Variants in PCDHA11 observed in about 807,000 individuals in gnomAD.
PCDHA11 encodes protocadherin alpha-11.
PCDHA11 carries 61 observed loss-of-function variants against 70.3 expected under a neutral mutation model. The observed-to-expected ratio is 0.87, with a 90% CI of 0.71 to 1.07. The LOEUF (loss-of-function observed/expected upper bound fraction) is 1.07. Ranked by LOEUF, PCDHA11 falls within the 50% of genes least tolerant of loss-of-function variation. PCDHA11 has a pLI of 0.00. For missense variants in PCDHA11, 1,324 were observed against 1,237.5 expected (o/e 1.07, Z -1.05); for synonymous variants, 633 against 555.1 (o/e 1.14, Z -1.97).
intron 1 of PCDHA11, among the ~76,000 whole-genome samples, chr5:140,896,760 T>C (rs562641955): frequency 1.3e-5 from 2 of 152,340 alleles, no homozygotes; most frequent in East Asian, 3.9e-4. Flanking sequence ...ATTAGACCTT[T>C]GTTGGATGCA....
At chr5:140,876,308 A>T in intron 1 of PCDHA11, 1 of 1,614,070 alleles carries the variant, frequency 6.2e-7, no homozygotes, top group South Asian at 1.1e-5. Context: ...GAAATTTCCT[A>T]TGGGATCAAA....
chr5:140,883,870 G>A, intron 1 of PCDHA11: 1 of 1,613,302 alleles, frequency 6.2e-7, no homozygotes. Flanking sequence ...TGCAGTTCCA[G>A]GTGAGCGCGC....
At chr5:140,882,860 A>G in intron 1 of PCDHA11, 1 of 1,614,218 alleles carries the variant, frequency 6.2e-7, no homozygotes, top group Non-Finnish European at 8.5e-7. Context: ...TGTACTGAGG[A>G]AAACACTGGA....
intron 1 of PCDHA11, among the ~76,000 whole-genome samples, chr5:140,943,086 G>A (rs1384084328): frequency 6.6e-6 from 1 of 151,632 alleles, no homozygotes; most frequent in African/African-American, 2.4e-5. Flanking sequence ...GTGAAATCCT[G>A]CCTCTACTAA....
intron 1 of PCDHA11, among the ~76,000 whole-genome samples, chr5:140,977,970 A>G (rs531494024): frequency 2.0e-5 from 3 of 152,332 alleles, no homozygotes; most frequent in South Asian, 4.1e-4. Context: ...ATCTCCGCCC[A>G]TGAAAACGCA....
At chr5:140,895,964 C>T (rs2065282764) in intron 1 of PCDHA11, among the ~76,000 whole-genome samples, 2 of 152,120 alleles carry the variant, frequency 1.3e-5, no homozygotes, top group South Asian at 4.1e-4. Flanking sequence ...GTGCCTGTCA[C>T]CAGGCCTAGC....
In PCDHA11 at chr5:141,010,797, AC is replaced by A. The variant is rs1329759215; in HGVS notation, c.*864del. Reference sequence around the variant, plus strand: ...AATACTTATGCAAAAGCAAAAGAAAACCCCGACACCTCACCTTTCGCTGTTT... The same window carrying A: ...AATACTTATGCAAAAGCAAAAGAAAACCCGACACCTCACCTTTCGCTGTTT... On this transcript the variant is annotated 3_prime_UTR_variant, in exon 4 of 4. Transcript: ENST00000398640. The A allele has an allele frequency of 6.5e-6, 1 of 153,778 alleles. No homozygotes were observed. The highest frequency in any genetic ancestry group is 2.4e-5 in the African/African-American group (1 of 41,460). 9.5% of individuals were successfully genotyped at this position (153,778 alleles called of 1,614,324 possible).
intron 3 of PCDHA11, among the ~76,000 whole-genome samples, chr5:141,007,087 A>G (rs1554261040): frequency 6.6e-6 from 1 of 152,112 alleles, no homozygotes; most frequent in African/African-American, 2.4e-5. Context: ...AATAGAGAAG[A>G]GAGTCTAGGG....
Position 140,898,113 on chromosome 5 carries a change from C to G in PCDHA11, c.2391+26619C>G, listed in dbSNP as rs369408845. 3.9e-5 allele frequency among the ~76,000 whole-genome samples: 6 copies of G among 151,952 alleles called. No individual in the cohort carries two copies. The East Asian group carries it at 1.2e-3, about 29-fold the overall frequency. ...AGCCCTTTGTCAGATGAGTAGGTTG[C>G]GAAAATTTTCTCCCATTTTGTAGGT... On this transcript the variant is annotated intron_variant, in intron 1 of 3. Coordinates refer to ENST00000398640, the MANE Select transcript of PCDHA11 (RefSeq NM_018902.5).
intron 1 of PCDHA11, among the ~76,000 whole-genome samples, chr5:140,937,158 C>T (rs969335051): frequency 2.6e-5 from 4 of 151,874 alleles, no homozygotes; most frequent in Non-Finnish European, 4.4e-5. Context: ...CTGCCTCAGC[C>T]TCCCGAGTAG....
intron 1 of PCDHA11, among the ~76,000 whole-genome samples, chr5:140,909,950 C>T (rs940175754): frequency 1.3e-5 from 2 of 152,168 alleles, no homozygotes; most frequent in African/African-American, 4.8e-5. Flanking sequence ...GGTAAAAAGC[C>T]GTAGGTCTCC....
chr5:140,967,108 G>A (rs2096097580), intron 1 of PCDHA11: 1 of 1,612,960 alleles, frequency 6.2e-7, no homozygotes, highest in South Asian at 1.1e-5. Flanking sequence ...GTGAGCAGCG[G>A]CCTCGCTGCC....
rs141079325 is a variant in PCDHA11 at position 140,900,797 on chromosome 5, T to C, written c.2391+29303T>C. Among the ~76,000 whole-genome samples the C allele has an allele frequency of 8.0e-3, 1,218 of 152,324 alleles. 6 individuals carry two copies. Among genetic ancestry groups the C allele is most frequent in the African/African-American group, 0.019 (783 of 41,568 alleles). On this transcript the variant is annotated intron_variant, in intron 1 of 3. Coordinates refer to ENST00000398640, the MANE Select transcript of PCDHA11 (RefSeq NM_018902.5). ...TGAGGAAACTCCAAACTGTTCTCCA[T>C]AGTGCTTGTACTAATTTACATTCCC...
intron 3 of PCDHA11, among the ~76,000 whole-genome samples, chr5:140,985,834 G>T (rs550087572): frequency 1.3e-5 from 2 of 150,860 alleles, no homozygotes; most frequent in South Asian, 4.2e-4. Flanking sequence ...CTGCCTCCCG[G>T]GTTCATGCCA....
intron 1 of PCDHA11, chr5:140,883,514 G>C (rs2059648914): frequency 1.2e-6 from 2 of 1,614,220 alleles, no homozygotes; most frequent in Non-Finnish European, 1.7e-6. Context: ...CCTGGACCGC[G>C]AGAGCGTATC....
At chr5:140,959,203 G>A (rs1554223942) in intron 1 of PCDHA11, among the ~76,000 whole-genome samples, 1 of 152,128 alleles carries the variant, frequency 6.6e-6, no homozygotes. Context: ...ATGGTGAAAT[G>A]CTGTCCTTAC....
chr5:140,984,178 A>C (rs2097090747), intron 3 of PCDHA11, among the ~76,000 whole-genome samples: 1 of 152,184 alleles, frequency 6.6e-6, no homozygotes, highest in South Asian at 2.1e-4. Context: ...AGCCACGTGA[A>C]ATCATGACTT....
chr5:140,985,901 G>A (rs995663051), intron 3 of PCDHA11, among the ~76,000 whole-genome samples: 3 of 151,818 alleles, frequency 2.0e-5, no homozygotes, highest in Non-Finnish European at 2.9e-5. Flanking sequence ...CACCACTCCC[G>A]TCTAATTTTT....
intron 1 of PCDHA11, among the ~76,000 whole-genome samples, chr5:140,874,790 A>C (rs2055107111): frequency 6.6e-6 from 1 of 152,254 alleles, no homozygotes; most frequent in East Asian, 1.9e-4. Context: ...TCTAACTTTC[A>C]TCAGATTTAT....
Sources: gnomAD v4.1 joint callset for allele counts (sites outside exome capture counted in the v4.1 genomes callset) on GRCh38, gnomAD v4.1.1 for gene constraint, MANE v1.5 for transcripts, NCBI Gene and HGNC (gene_info 2026-07-23, HGNC 2026-07-21) for gene names.